Variants in CDKL2 observed in about 807,000 individuals in gnomAD.
The protein encoded by CDKL2 is cyclin dependent kinase like 2, also known as cyclin-dependent kinase-like 2.
CDKL2 carries 64 observed loss-of-function variants against 63.9 expected under a neutral mutation model. The ratio of observed to expected loss-of-function variants is 1.00; its 90% CI spans 0.82 to 1.23. The LOEUF is 1.23. Ranked by LOEUF, CDKL2 falls within the 50% of genes most tolerant of loss-of-function variation. The pLI, the probability that CDKL2 is intolerant of heterozygous loss-of-function variation, is 0.00. For missense variants in CDKL2, 656 were observed against 668.0 expected, an observed-to-expected ratio of 0.98 and a Z score of 0.20; for synonymous variants, 211 against 229.2, an observed-to-expected ratio of 0.92 and a Z score of 0.72.
chr4:75,600,435 T>C (rs1468776455), intron 6 of CDKL2, 66 bp from the exon 7 acceptor site: 8 of 1,064,806 alleles, frequency 7.5e-6, no homozygotes, highest in Non-Finnish European at 1.4e-6. Context: ...TTTATAAATA[T>C]AGAAAAAAAA....
At chr4:75,586,227 C>CTTTTTTTTTTT (rs61087984) in intron 12 of CDKL2, among the ~76,000 whole-genome samples, 1 of 145,230 alleles carries the variant, frequency 6.9e-6, no homozygotes, top group Non-Finnish European at 1.5e-5. Flanking sequence ...ACTAACCTTT[C>CTTTTTTTTTTT]TTTTTTTTTT....
At position 75,597,129 on chromosome 4, in the gene CDKL2, G is replaced by T; in HGVS notation, c.1128C>A (p.Ser376Arg). 1 of 1,614,074 alleles carries T rather than the reference G, an allele frequency of 6.2e-7. No homozygotes were observed. Among genetic ancestry groups the T allele is most frequent in the Non-Finnish European group, 8.5e-7 (1 of 1,179,944 alleles). ...AEKGNRASNA[S>R]CLHDSRTSHN... ...GGCTTGTCCTACTGTCATGGAGACA[G>T]CTGGCATTTGAAGCTCTATTGCCTT... The change falls in exon 9 of 14, where the codon AGC becomes AGA. Residue 376 changes from serine to arginine, a missense_variant. By Grantham distance (110) the Ser-to-Arg change is moderately radical. Transcript: ENST00000307465.
At position 75,600,348 on chromosome 4, in the gene CDKL2, C is replaced by T. The variant is rs79921527; in HGVS notation, c.817G>A (p.Asp273Asn). 1.2e-3 allele frequency: 1,907 copies of T among 1,612,166 alleles called. 34 individuals carry two copies. In the East Asian group the frequency reaches 0.034, roughly 28 times the overall value. ...AGCTCAGCACAGAAGGGTCTTTTGTCGGGGTCAATATGTAAGCATTTCTGA... is the reference window on the plus strand; with the variant it reads ...AGCTCAGCACAGAAGGGTCTTTTGTTGGGGTCAATATGTAAGCATTTCTGA... ...LAKKCLHIDP[D>N]KRPFCAELLH... is the part of the protein sequence containing the mutation. Residue 273 changes from aspartate to asparagine, a missense_variant, in exon 7 of 14, where the codon GAC becomes AAC. Physicochemically the swap from Asp to Asn is conservative, Grantham distance 23. Transcript: ENST00000307465.
intron 10 of CDKL2, 61 bp downstream of exon 10, chr4:75,596,186 T>G: frequency 1.0e-6 from 1 of 983,424 alleles, no homozygotes; most frequent in Middle Eastern, 2.1e-4. Flanking sequence ...ATATTTAATT[T>G]TAATAAAAGT....
intron 10 of CDKL2, among the ~76,000 whole-genome samples, chr4:75,593,824 G>T (rs750699230): frequency 9.9e-5 from 15 of 152,038 alleles, no homozygotes; most frequent in Non-Finnish European, 2.2e-4. Flanking sequence ...GTATTTTTCA[G>T]CTCTGAAGAT....
chr4:75,596,029 G>GAAGGAAGGAAGA (rs1302838596), intron 10 of CDKL2: 26 of 47,632 alleles, frequency 5.5e-4, no homozygotes, highest in Admixed American at 1.1e-3. Context: ...AGGAAGGAAG[G>GAAGGAAGGAAGA]AAGAAAGGAA....
At chr4:75,616,310 T>A (rs1289099120) in intron 2 of CDKL2, among the ~76,000 whole-genome samples, 1 of 147,516 alleles carries the variant, frequency 6.8e-6, no homozygotes, top group Non-Finnish European at 1.5e-5. Context: ...TCTTAAAAAA[T>A]TAAAAAATGA....
chr4:75,608,153 T>G (rs752146665), intron 3 of CDKL2, among the ~76,000 whole-genome samples: 1 of 105,476 alleles, frequency 9.5e-6, no homozygotes, highest in Non-Finnish European at 1.9e-5. Flanking sequence ...AGGCATCGTC[T>G]TGCTCTTGTC....
intron 3 of CDKL2, among the ~76,000 whole-genome samples, chr4:75,613,784 G>A (rs578024409): frequency 2.6e-5 from 4 of 152,136 alleles, no homozygotes; most frequent in Non-Finnish European, 5.9e-5. Context: ...AGCCAGGCAC[G>A]GTGGCTCATG....
At chr4:75,589,826 A>AAT (rs1427582260) in intron 12 of CDKL2, among the ~76,000 whole-genome samples, 2 of 152,266 alleles carry the variant, frequency 1.3e-5, no homozygotes, top group East Asian at 3.9e-4. Flanking sequence ...AAAAAAAAAA[A>AAT]ATTGTGTTAG....
At chr4:75,585,962 CAACA>C (rs2148860690) in intron 12 of CDKL2, among the ~76,000 whole-genome samples, 1 of 152,180 alleles carries the variant, frequency 6.6e-6, no homozygotes, top group East Asian at 1.9e-4. Context: ...ATTAATCCAA[CAACA>C]AAGAATATAC....
chr4:75,595,976 AGAAG>A (rs554405215), intron 10 of CDKL2: 11,411 of 154,770 alleles, frequency 0.074, 292 homozygotes, highest in African/African-American at 0.1. Context: ...AAGGAAGGAA[AGAAG>A]GAAGGAAGGA....
Position 75,605,516 on chromosome 4 carries a change from C to T in CDKL2, c.655+6G>A, listed in dbSNP as rs765161895. The T allele has an allele frequency of 1.3e-6, 2 of 1,507,820 alleles. No individual in the cohort carries two copies. Among genetic ancestry groups the T allele is most frequent in the Admixed American group, 3.4e-5 (2 of 58,080 alleles). The allele number at this position is 1,507,820 out of a possible 1,614,324, so 93.4% of individuals were successfully genotyped here. On this transcript the variant is annotated splice_donor_region_variant and intron_variant, in intron 5 of 13. Transcript: ENST00000307465. ...TAAAATTTAAAATGCAGATGTGTAACCTTACCTAAACACATCATAATATGA... is the reference window on the plus strand; with the variant it reads ...TAAAATTTAAAATGCAGATGTGTAATCTTACCTAAACACATCATAATATGA...
intron 13 of CDKL2, among the ~76,000 whole-genome samples, chr4:75,580,737 G>A (rs1228396141): frequency 7.5e-6 from 1 of 133,972 alleles, no homozygotes; most frequent in Middle Eastern, 4.0e-3. Flanking sequence ...GTCTCGCTCT[G>A]TCGCCCAGGC....
At chr4:75,591,486 A>G (rs956613558) in intron 12 of CDKL2, among the ~76,000 whole-genome samples, 3 of 152,080 alleles carry the variant, frequency 2.0e-5, no homozygotes, top group African/African-American at 7.2e-5. Flanking sequence ...AATCTCAGCT[A>G]CTTGGGAGGC....
chr4:75,623,396 G>T (rs1240635807), intron 2 of CDKL2, among the ~76,000 whole-genome samples: 1 of 152,178 alleles, frequency 6.6e-6, no homozygotes, highest in Admixed American at 6.6e-5. Flanking sequence ...GTGGCAAAAG[G>T]AATATTCAGA....
intron 1 of CDKL2, among the ~76,000 whole-genome samples, chr4:75,629,141 A>C (rs553111643): frequency 5.3e-5 from 8 of 152,166 alleles, no homozygotes; most frequent in Non-Finnish European, 1.2e-4. Flanking sequence ...TCTTCCATTA[A>C]GAGAGTATGT....
intron 12 of CDKL2, among the ~76,000 whole-genome samples, chr4:75,582,865 A>G (rs1349940770): frequency 1.3e-5 from 2 of 152,346 alleles, no homozygotes; most frequent in Non-Finnish European, 2.9e-5. Context: ...TACAGAGATC[A>G]GAAGACAGAA....
At chr4:75,592,547 A>G (rs529525924) in intron 10 of CDKL2, among the ~76,000 whole-genome samples, 8 of 152,352 alleles carry the variant, frequency 5.3e-5, no homozygotes, top group Non-Finnish European at 1.0e-4. Flanking sequence ...CCCAGCAAGT[A>G]GTAAAAGGTT....
Sources: gnomAD v4.1 joint callset for allele counts (sites outside exome capture counted in the v4.1 genomes callset) on GRCh38, gnomAD v4.1.1 for gene constraint, MANE v1.5 for transcripts, NCBI Gene and HGNC (gene_info 2026-07-23, HGNC 2026-07-21) for gene names.